The following ACTR3C variants were observed in gnomAD, a reference collection of about 807,000 sequenced individuals.
ACTR3C encodes actin related protein 3C.
A neutral mutation model predicts 26.3 loss-of-function variants in ACTR3C; 18 were observed. The observed-to-expected ratio is 0.68, with a 90% CI of 0.47 to 1.01. ACTR3C has a LOEUF of 1.01. ACTR3C is among the 50% of genes least tolerant of loss of function. ACTR3C has a pLI of 0.00. For missense variants in ACTR3C, 184 were observed against 250.7 expected, an observed-to-expected ratio of 0.73 and a Z score of 1.80; for synonymous variants, 55 against 94.5, an observed-to-expected ratio of 0.58 and a Z score of 2.42.
chr7:150,089,429 C>T, the ACTR3C span, among the ~76,000 whole-genome samples: 1 of 152,192 alleles, frequency 6.6e-6, no homozygotes, highest in African/African-American at 2.4e-5. Context: ...ACATTACTCT[C>T]CATCCCAAGA....
chr7:150,037,752 A>G, the ACTR3C span, among the ~76,000 whole-genome samples: 17 of 30,552 alleles, frequency 5.6e-4, no homozygotes, highest in Admixed American at 1.8e-3. Context: ...CTCAGTCCCC[A>G]CCCTCGCGGG....
the ACTR3C span, among the ~76,000 whole-genome samples, chr7:150,155,312 T>A: frequency 6.6e-6 from 1 of 152,022 alleles, no homozygotes; most frequent in African/African-American, 2.4e-5. Context: ...CAACTGCCAC[T>A]TGAGTTCATC....
At chr7:150,303,643 G>A (rs949751516) in intron 1 of ACTR3C, among the ~76,000 whole-genome samples, 16 of 152,134 alleles carry the variant, frequency 1.1e-4, no homozygotes, top group African/African-American at 3.1e-4. Flanking sequence ...CAAACCCTCC[G>A]TCTTCCTCAA....
chr7:149,892,055 T>G, the ACTR3C span, among the ~76,000 whole-genome samples: 1 of 144,396 alleles, frequency 6.9e-6, no homozygotes, highest in South Asian at 2.4e-4. Context: ...CCTGAGTCTA[T>G]TCTGCATTCC....
chr7:149,926,863 C>T, the ACTR3C span, among the ~76,000 whole-genome samples: 6 of 151,062 alleles, frequency 4.0e-5, no homozygotes, highest in African/African-American at 9.7e-5. Flanking sequence ...ATGAAGAGAC[C>T]GAAAAAAATA....
chr7:150,165,057 A>G, the ACTR3C span, among the ~76,000 whole-genome samples: 85,238 of 151,978 alleles, frequency 0.56, 24,628 homozygotes, highest in South Asian at 0.74. Flanking sequence ...ATGGCATTTA[A>G]ATTTAGGTGT....
chr7:149,964,928 C>T, the ACTR3C span, among the ~76,000 whole-genome samples: 1 of 152,020 alleles, frequency 6.6e-6, no homozygotes, highest in Non-Finnish European at 1.5e-5. Context: ...TGAATAAGGT[C>T]TCACCCTCAT....
At chr7:150,045,754 AAAG>A in the ACTR3C span, among the ~76,000 whole-genome samples, 1 of 152,222 alleles carries the variant, frequency 6.6e-6, no homozygotes, top group African/African-American at 2.4e-5. Context: ...TTTTTTAAAA[AAAG>A]ATGGAGATCA....
At chr7:150,092,577 TG>T in the ACTR3C span, among the ~76,000 whole-genome samples, 1 of 150,206 alleles carries the variant, frequency 6.7e-6, no homozygotes, top group Non-Finnish European at 1.5e-5. Flanking sequence ...ATAGGTTTCA[TG>T]CAAAGATTTT....
the ACTR3C span, among the ~76,000 whole-genome samples, chr7:149,911,690 C>T: frequency 1.0e-4 from 15 of 149,704 alleles, no homozygotes; most frequent in African/African-American, 3.4e-4. Flanking sequence ...AACACTGAAA[C>T]GAATATGGTA....
At chr7:150,210,047 A>G in the ACTR3C span, among the ~76,000 whole-genome samples, 1 of 151,834 alleles carries the variant, frequency 6.6e-6, no homozygotes, top group African/African-American at 2.4e-5. Context: ...AAGTAACCCA[A>G]TCAAAAATAT....
the ACTR3C span, among the ~76,000 whole-genome samples, chr7:149,955,578 G>T: frequency 1.4e-4 from 21 of 152,166 alleles, no homozygotes; most frequent in South Asian, 4.2e-3. Flanking sequence ...AGGTGCATAC[G>T]GTGTTTTTGC....
chr7:150,309,697 C>T (rs1796125491), intron 1 of ACTR3C, among the ~76,000 whole-genome samples: 1 of 152,230 alleles, frequency 6.6e-6, no homozygotes, highest in Non-Finnish European at 1.5e-5. Flanking sequence ...CGTGTCCCAC[C>T]TGTGCGGGAC....
At chr7:150,306,832 C>CT (rs1795841846) in intron 1 of ACTR3C, among the ~76,000 whole-genome samples, 1 of 152,108 alleles carries the variant, frequency 6.6e-6, no homozygotes, top group South Asian at 2.1e-4. Context: ...CAAATGAAAA[C>CT]AATTTAATGG....
chr7:149,930,389 T>C, the ACTR3C span, among the ~76,000 whole-genome samples: 1 of 152,202 alleles, frequency 6.6e-6, no homozygotes, highest in East Asian at 1.9e-4. Flanking sequence ...ATAATATGTA[T>C]GGACATACAG....
At chr7:149,945,026 A>G in the ACTR3C span, among the ~76,000 whole-genome samples, 8 of 152,018 alleles carry the variant, frequency 5.3e-5, no homozygotes, top group East Asian at 1.4e-3. Flanking sequence ...AAGCCTCTTT[A>G]AAAGCATGCC....
chr7:150,003,990 G>C, the ACTR3C span, among the ~76,000 whole-genome samples: 1 of 135,792 alleles, frequency 7.4e-6, no homozygotes, highest in Non-Finnish European at 1.6e-5. Context: ...TGTGTATGAT[G>C]TGGTGTGTAG....
the ACTR3C span, among the ~76,000 whole-genome samples, chr7:149,926,569 T>G: frequency 1.3e-5 from 2 of 152,212 alleles, no homozygotes; most frequent in Non-Finnish European, 2.9e-5. Flanking sequence ...TACGGAGCAT[T>G]GCACACATGT....
the ACTR3C span, among the ~76,000 whole-genome samples, chr7:150,055,363 A>G: frequency 6.6e-6 from 1 of 152,360 alleles, no homozygotes; most frequent in South Asian, 2.1e-4. Flanking sequence ...GGTGACCTGG[A>G]AGATTTCTCA....
Sources: allele counts gnomAD v4.1 joint callset (sites outside exome capture counted in the v4.1 genomes callset), GRCh38; gene constraint gnomAD v4.1.1; transcripts MANE v1.5; gene names NCBI Gene and HGNC (gene_info 2026-07-23, HGNC 2026-07-21).